URB2: variants seen among roughly 807,000 people sequenced by gnomAD.
URB2 encodes URB2 ribosome biogenesis homolog.
In URB2, 86 loss-of-function variants were observed where a neutral mutation model predicts 120.9. That is an observed-to-expected ratio of 0.71 (90% confidence interval 0.60 to 0.85). URB2 has a LOEUF of 0.85. URB2 is among the 40% of genes least tolerant of loss of function. The pLI, the probability that URB2 is intolerant of heterozygous loss-of-function variation, is 0.00. For missense variants in URB2, 1,765 were observed against 1,836.5 expected (o/e 0.96, Z 0.71); for synonymous variants, 755 against 758.4 (o/e 1.00, Z 0.07).
At chr1:229,628,093 T>A (rs1339170330) in intron 2 of URB2, among the ~76,000 whole-genome samples, 2 of 143,300 alleles carry the variant, frequency 1.4e-5, no homozygotes, top group African/African-American at 5.2e-5. Context: ...TTAAAAAAAT[T>A]ATATATATTA....
chr1:229,642,129 C>T (rs1666027359), intron 4 of URB2, among the ~76,000 whole-genome samples: 1 of 152,104 alleles, frequency 6.6e-6, no homozygotes, highest in Non-Finnish European at 1.5e-5. Context: ...TCGCACAAAT[C>T]ACAGGGTAAA....
At chr1:229,652,648 GCCA>G (rs1666308701) in intron 8 of URB2, among the ~76,000 whole-genome samples, 1 of 152,196 alleles carries the variant, frequency 6.6e-6, no homozygotes. Context: ...CCCCTCCCAT[GCCA>G]GCCTCAGCAA....
Position 229,636,530 on chromosome 1 carries a change from G to A in URB2, c.1917G>A (p.Leu639=), listed in dbSNP as rs1665831171. Residue 639 remains leucine (L), a synonymous_variant, in exon 4 of 10, where the codon CTG becomes CTA. Transcript: ENST00000258243. ...CTGGGCCCCTTATAGGTGTTGCTCT[G>A]GAGATCTCGAACCTCCCTTCGTTGC... ...SMSGPLIGVA[L]EISNLPSLLP... 1.2e-6 allele frequency: 2 copies of A among 1,614,068 alleles called. No individual in the cohort carries two copies. The highest frequency in any genetic ancestry group is 2.7e-5 in the African/African-American group (2 of 74,930).
In URB2 at chr1:229,635,927, C is replaced by G; in HGVS notation, c.1314C>G (p.Ala438=). The G allele has an allele frequency of 6.2e-7, 1 of 1,614,164 alleles. No individual in the cohort carries two copies. The highest frequency in any genetic ancestry group is 8.5e-7 in the Non-Finnish European group (1 of 1,180,044). Residue 438 remains alanine, a synonymous_variant, in exon 4 of 10, where the codon GCC becomes GCG. Transcript: ENST00000258243. ...TGCTGGCTTCAGCGTGGATCGATGCCGAGGTAACAGAGTTTCGAACCAAAA... is the reference window on the plus strand; with the variant it reads ...TGCTGGCTTCAGCGTGGATCGATGCGGAGGTAACAGAGTTTCGAACCAAAA... ...DDLLASAWID[A]EVTEFRTKKA...
intron 9 of URB2, among the ~76,000 whole-genome samples, chr1:229,656,786 T>C (rs1666416273): frequency 6.6e-6 from 1 of 152,166 alleles, no homozygotes. Context: ...CAAGCAGTAA[T>C]GAGTCCCCAT....
intron 5 of URB2, 120 bp downstream of exon 5, chr1:229,643,813 C>G: frequency 7.4e-7 from 1 of 1,342,514 alleles, no homozygotes; most frequent in Middle Eastern, 2.7e-4. Context: ...GGTAGAGACT[C>G]TAGGCAAAGG....
rs969915310 is a variant in URB2 at position 229,659,495 on chromosome 1, A to G, written c.*198A>G. On this transcript the variant is annotated 3_prime_UTR_variant, in exon 10 of 10. Coordinates refer to ENST00000258243, the MANE Select transcript of URB2 (RefSeq NM_014777.4). ...TTACTATTTTTTAATACATAGTTTT[A>G]TGCAGTAAGTATTGCAATAGAATCC... is the stretch of plus-strand genomic sequence containing the variant. 1.9e-6 allele frequency: 1 copy of G among 525,824 alleles called. No homozygotes were observed. The highest frequency in any genetic ancestry group is 3.4e-5 in the South Asian group (1 of 29,404). The allele number at this position is 525,824 out of a possible 1,614,324, so 32.6% of individuals were successfully genotyped here. A position where few individuals can be genotyped will look rare whatever the true frequency, so the allele number is the denominator to read the frequency against.
chr1:229,632,806 CA>C (rs1665704404), intron 3 of URB2, among the ~76,000 whole-genome samples: 1 of 130,752 alleles, frequency 7.6e-6, no homozygotes, highest in South Asian at 2.5e-4. Context: ...GGAATTTCCT[CA>C]AAGGTTTTTT....
At position 229,636,976 on chromosome 1, in the gene URB2, T is replaced by C; in HGVS notation, c.2363T>C (p.Leu788Pro). 6.2e-7 allele frequency: 1 copy of C among 1,614,136 alleles called. No individual in the cohort carries two copies. Among genetic ancestry groups the C allele is most frequent in the Non-Finnish European group, 8.5e-7 (1 of 1,180,036 alleles). The change falls in exon 4 of 10, where the codon CTG becomes CCG. Residue 788 changes from leucine to proline, a missense_variant. Transcript: ENST00000258243. ...ATAGATGAAGAGGCATACATCACACTGGAAAAAATATCCAAAGCCTTCCTT... is the reference window on the plus strand; with the variant it reads ...ATAGATGAAGAGGCATACATCACACCGGAAAAAATATCCAAAGCCTTCCTT... ...VSIDEEAYIT[L>P]EKISKAFLHS...
chr1:229,647,224 T>C (rs1035853611), intron 6 of URB2, among the ~76,000 whole-genome samples: 9 of 152,206 alleles, frequency 5.9e-5, no homozygotes, highest in African/African-American at 2.2e-4. Flanking sequence ...CTGCTGTGTA[T>C]CTGAGAAGGA....
In URB2 at chr1:229,659,608, G is replaced by C; in HGVS notation, c.*311G>C. On this transcript the variant is annotated 3_prime_UTR_variant, in exon 10 of 10. Coordinates refer to ENST00000258243, the MANE Select transcript of URB2 (RefSeq NM_014777.4). ...TGTGTTTGGTTCTCGTCTTGGCTCAGTGGTTTGGTGTTCCCTCGTCTGCAC... is the reference window on the plus strand; with the variant it reads ...TGTGTTTGGTTCTCGTCTTGGCTCACTGGTTTGGTGTTCCCTCGTCTGCAC... 4.3e-6 allele frequency: 1 copy of C among 229,948 alleles called. No individual in the cohort carries two copies. Among genetic ancestry groups the C allele is most frequent in the Non-Finnish European group, 8.6e-6 (1 of 116,494 alleles). The allele number at this position is 229,948 out of a possible 1,614,324, so 14.2% of individuals were successfully genotyped here. A position where few individuals can be genotyped will look rare whatever the true frequency, so the allele number is the denominator to read the frequency against.
At chr1:229,628,198 T>C (rs1349293895) in intron 2 of URB2, among the ~76,000 whole-genome samples, 3 of 144,570 alleles carry the variant, frequency 2.1e-5, no homozygotes, top group East Asian at 3.9e-4. Context: ...ATAATATATA[T>C]GTATATATAT....
chr1:229,651,227 C>A lies in URB2; in HGVS notation c.4150-8C>A. ...TGTACTTTTACATTCTGTTATCTGT[C>A]ATTACAGGTAATGCTGAAAGCCATC... is the stretch of plus-strand genomic sequence containing the variant. On this transcript the variant is annotated splice_polypyrimidine_tract_variant and splice_region_variant and intron_variant, in intron 7 of 9. Transcript: ENST00000258243. 2 of 1,597,956 alleles carry A rather than the reference C, an allele frequency of 1.3e-6. No individual in the cohort carries two copies. Among genetic ancestry groups the A allele is most frequent in the South Asian group, 2.3e-5 (2 of 87,724 alleles).
At position 229,638,112 on chromosome 1, in the gene URB2, G is replaced by A. The variant is rs750930595; in HGVS notation, c.3499G>A (p.Ala1167Thr). The A allele has an allele frequency of 1.2e-6, 2 of 1,614,114 alleles. No homozygotes were observed. Among genetic ancestry groups the A allele is most frequent in the East Asian group, 2.2e-5 (1 of 44,894 alleles). Residue 1167 changes from alanine to threonine, a missense_variant, in exon 4 of 10, where the codon GCT becomes ACT. By Grantham distance (58) the Ala-to-Thr change is moderately conservative. Transcript: ENST00000258243. ...VYSQILLELP[A>T]LAGHDQSFQA... is the part of the protein sequence containing the mutation. ...CTCTCAGATACTGTTGGAGTTGCCA[G>A]CTCTCGCGGGACATGATCAGTCTTT...
intron 6 of URB2, among the ~76,000 whole-genome samples, chr1:229,647,221 G>A (rs1374061389): frequency 6.6e-6 from 1 of 152,210 alleles, no homozygotes. Flanking sequence ...GGGCTGCTGT[G>A]TATCTGAGAA....
rs566736020 is a variant in URB2, at chr1:229,633,552, T to G, written c.303+1107T>G. 4.6e-5 allele frequency among the ~76,000 whole-genome samples: 7 copies of G among 152,330 alleles called. No homozygotes were observed. The East Asian group carries it at 1.3e-3, about 29-fold the overall frequency. ...GTAATAGTGCATTGACATTTAAGGA[T>G]TTCTCATCTTTGTTACAGCGTTTCC... On this transcript the variant is annotated intron_variant, in intron 3 of 9. Transcript: ENST00000258243.
Position 229,636,543 on chromosome 1 carries a change from C to T in URB2, c.1930C>T (p.Leu644Phe), listed in dbSNP as rs1169797554. The T allele has an allele frequency of 1.4e-5, 23 of 1,614,046 alleles. No individual in the cohort carries two copies. Among genetic ancestry groups the T allele is most frequent in the Non-Finnish European group, 1.9e-5 (22 of 1,180,000 alleles). Residue 644 changes from leucine (L) to phenylalanine (F), a missense_variant, in exon 4 of 10, where the codon CTC (leucine) becomes TTC (phenylalanine). Coordinates refer to ENST00000258243, the MANE Select transcript of URB2 (RefSeq NM_014777.4). ...AGGTGTTGCTCTGGAGATCTCGAAC[C>T]TCCCTTCGTTGCTCCCAGGTGTAAA... is the stretch of plus-strand genomic sequence containing the variant. ...LIGVALEISN[L>F]PSLLPGVKTQ...
At position 229,635,634 on chromosome 1, in the gene URB2, C is replaced by T. The variant is rs1452653754; in HGVS notation, c.1021C>T (p.Gln341Ter). The T allele has an allele frequency of 1.2e-6, 2 of 1,613,962 alleles. No individual in the cohort carries two copies. Among genetic ancestry groups the T allele is most frequent in the African/African-American group, 2.7e-5 (2 of 74,926 alleles). Residue 341 changes from glutamine (Q) to a stop codon, truncating the protein, a stop_gained, in exon 4 of 10, where the codon CAG becomes TAG. Transcript: ENST00000258243. LOFTEE classifies it high-confidence loss of function. ...TGGCTGCTTGAAGATTTCACACCTG[C>T]AGGAGGAGCAGAGCAAAGCCCTGTC... ...LFGCLKISHL[Q>*]EEQSKALSTS...
At position 229,637,994 on chromosome 1, in the gene URB2, C is replaced by A. The variant is rs1056742697; in HGVS notation, c.3381C>A (p.Asp1127Glu). 35 of 1,613,338 alleles carry A rather than the reference C, an allele frequency of 2.2e-5. No homozygotes were observed. Among genetic ancestry groups the A allele is most frequent in the South Asian group, 6.6e-5 (6 of 90,978 alleles). The change falls in exon 4 of 10, where the codon GAC becomes GAA. Residue 1127 changes from aspartate to glutamate, a missense_variant. By Grantham distance (45) the Asp-to-Glu change is conservative (BLOSUM62 2). Transcript: ENST00000258243. ...CCGTCAGCACGCTCTTGGAAGCCGACCTGGGTCAGCACTGCAGGGATGGAG... is the reference window on the plus strand; with the variant it reads ...CCGTCAGCACGCTCTTGGAAGCCGAACTGGGTCAGCACTGCAGGGATGGAG... ...ISSVSTLLEA[D>E]LGQHCRDGGA... is the part of the protein sequence containing the mutation.
Sources: allele counts gnomAD v4.1 joint callset (sites outside exome capture counted in the v4.1 genomes callset), GRCh38; gene constraint gnomAD v4.1.1; transcripts MANE v1.5; gene names NCBI Gene and HGNC (gene_info 2026-07-23, HGNC 2026-07-21).